RASGRP3: variants seen among roughly 807,000 people sequenced by gnomAD.
The protein encoded by RASGRP3 is RAS guanyl releasing protein 3, also known as ras guanyl-releasing protein 3.
Under a neutral mutation model 82.7 loss-of-function variants are expected in RASGRP3, and 54 were observed. That is an observed-to-expected ratio of 0.65 (90% confidence interval 0.52 to 0.82). The LOEUF is 0.82. RASGRP3 is among the 40% of genes least tolerant of loss of function. The pLI, the probability that RASGRP3 is intolerant of heterozygous loss-of-function variation, is 0.00. For missense variants in RASGRP3, 861 were observed against 828.9 expected (o/e 1.04, Z -0.48); for synonymous variants, 309 against 300.5 (o/e 1.03, Z -0.29).
intron 1 of RASGRP3, among the ~76,000 whole-genome samples, chr2:33,490,613 C>T (rs1460528895): frequency 6.6e-6 from 1 of 152,222 alleles, no homozygotes; most frequent in Non-Finnish European, 1.5e-5. Context: ...GCTGCTCCTC[C>T]TCCCCTCTCT....
At chr2:33,534,694 ATTTTTTTT>A (rs71910431) in intron 11 of RASGRP3, among the ~76,000 whole-genome samples, 1 of 122,240 alleles carries the variant, frequency 8.2e-6, no homozygotes, top group Non-Finnish European at 1.7e-5. Flanking sequence ...ACACCCAGCA[ATTTTTTTT>A]TTTTTTTTTT....
At chr2:33,515,755 G>T (rs933103962) in intron 3 of RASGRP3, among the ~76,000 whole-genome samples, 3 of 152,060 alleles carry the variant, frequency 2.0e-5, no homozygotes, top group African/African-American at 7.2e-5. Context: ...TTGTGTTGTT[G>T]TTTTCATATC....
intron 5 of RASGRP3, 88 bp from the exon 6 acceptor site, chr2:33,520,465 T>G: frequency 3.9e-6 from 6 of 1,526,624 alleles, no homozygotes; most frequent in Non-Finnish European, 5.4e-6. Flanking sequence ...GACTTGGTGT[T>G]AAATGTAGTC....
intron 1 of RASGRP3, among the ~76,000 whole-genome samples, chr2:33,446,939 G>C (rs1665531979): frequency 6.6e-6 from 1 of 151,896 alleles, no homozygotes; most frequent in South Asian, 2.1e-4. Flanking sequence ...GTCAGGAGAT[G>C]GAAACCATCC....
At chr2:33,451,152 C>T (rs1162773518) in intron 2 of RASGRP3, among the ~76,000 whole-genome samples, 2 of 152,012 alleles carry the variant, frequency 1.3e-5, no homozygotes, top group African/African-American at 4.8e-5. Context: ...GTGTGAGCCA[C>T]CGTGCCCAGC....
intron 15 of RASGRP3, among the ~76,000 whole-genome samples, chr2:33,557,634 C>T (rs1032001850): frequency 1.3e-4 from 19 of 151,352 alleles, no homozygotes; most frequent in Admixed American, 4.6e-4. Context: ...GGTGTGAACC[C>T]GGGAGGCGGA....
intron 1 of RASGRP3, among the ~76,000 whole-genome samples, chr2:33,499,851 G>C (rs1348051208): frequency 6.6e-6 from 1 of 152,044 alleles, no homozygotes; most frequent in Non-Finnish European, 1.5e-5. Flanking sequence ...AGAATATGAT[G>C]GCAGAGAAAA....
In RASGRP3 at chr2:33,554,825, C is replaced by T. The variant is rs1675762443; in HGVS notation, c.1543-706C>T. ...GGAGTCTGTCTGGAGAGCGAAGACA[C>T]CACCACCAGGATGTCCCTGAACCCC... On this transcript the variant is annotated intron_variant, in intron 14 of 17. Coordinates refer to ENST00000403687, the MANE Select transcript of RASGRP3 (RefSeq NM_001139488.2). 2.0e-5 allele frequency among the ~76,000 whole-genome samples: 3 copies of T among 152,096 alleles called. No homozygotes were observed. The South Asian group carries it at 6.2e-4, about 32-fold the overall frequency.
Position 33,529,054 on chromosome 2 carries a change from C to T in RASGRP3, c.1083+1642C>T, listed in dbSNP as rs191707859. Among the ~76,000 whole-genome samples, 429 of 152,276 alleles carry T rather than the reference C, an allele frequency of 2.8e-3. 1 individual carries two copies. The highest frequency in any genetic ancestry group is 0.01 in the African/African-American group (419 of 41,548). Reference sequence around the variant, plus strand: ...CTGTCCACGATGTCAAGCATAACTTCAGAGAGCAGGTGCCTACCCTTGGGC... The same window carrying T: ...CTGTCCACGATGTCAAGCATAACTTTAGAGAGCAGGTGCCTACCCTTGGGC... On this transcript the variant is annotated intron_variant, in intron 10 of 17. Transcript: ENST00000403687.
intron 2 of RASGRP3, among the ~76,000 whole-genome samples, chr2:33,453,771 A>C (rs1574234923): frequency 1.3e-5 from 2 of 152,328 alleles, no homozygotes; most frequent in African/African-American, 4.8e-5. Flanking sequence ...TGCCAAAATA[A>C]TGTTATAAAA....
At chr2:33,548,339 C>G (rs1399076833) in intron 13 of RASGRP3, among the ~76,000 whole-genome samples, 1 of 114,748 alleles carries the variant, frequency 8.7e-6, no homozygotes. Flanking sequence ...CCGGCCTAGG[C>G]TAAAGAGCGG....
intron 2 of RASGRP3, among the ~76,000 whole-genome samples, chr2:33,451,362 C>T (rs2150885337): frequency 6.6e-6 from 1 of 152,316 alleles, no homozygotes; most frequent in Admixed American, 6.5e-5. Flanking sequence ...ATCCCACAGG[C>T]TGTCTCTACA....
chr2:33,443,758 A>G (rs1377912138), intron 1 of RASGRP3, among the ~76,000 whole-genome samples: 3 of 150,144 alleles, frequency 2.0e-5, no homozygotes, highest in Non-Finnish European at 4.4e-5. Flanking sequence ...GTACGTGCTT[A>G]TAGTCCTAGA....
At chr2:33,531,364 T>C (rs1195996849) in intron 10 of RASGRP3, among the ~76,000 whole-genome samples, 1 of 152,112 alleles carries the variant, frequency 6.6e-6, no homozygotes, top group Admixed American at 6.5e-5. Flanking sequence ...GTAGAACAGA[T>C]CACCCTTTGG....
chr2:33,456,840 A>T (rs966854150), intron 2 of RASGRP3, among the ~76,000 whole-genome samples: 1 of 152,038 alleles, frequency 6.6e-6, no homozygotes, highest in Non-Finnish European at 1.5e-5. Context: ...TAGCTTCTAC[A>T]CAAAAGTAAC....
chr2:33,439,650 A>G (rs1236172651), intron 1 of RASGRP3, among the ~76,000 whole-genome samples: 2 of 152,164 alleles, frequency 1.3e-5, no homozygotes, highest in Non-Finnish European at 2.9e-5. Context: ...GGGGCCCTGT[A>G]TTCTGATTTC....
At chr2:33,537,330 C>CGCCA (rs149899270) in intron 11 of RASGRP3, among the ~76,000 whole-genome samples, 1 of 95,690 alleles carries the variant, frequency 1.0e-5, no homozygotes, top group South Asian at 3.2e-4. Flanking sequence ...ACCGCCCCCC[C>CGCCA]CACACACACA....
chr2:33,438,357 G>A (rs1214655698), intron 1 of RASGRP3, among the ~76,000 whole-genome samples: 1 of 152,168 alleles, frequency 6.6e-6, no homozygotes, highest in Non-Finnish European at 1.5e-5. Flanking sequence ...GAGGTTGGGA[G>A]TTTGAGATCA....
At chr2:33,521,068 G>T (rs560945102) in intron 6 of RASGRP3, among the ~76,000 whole-genome samples, 1 of 152,222 alleles carries the variant, frequency 6.6e-6, no homozygotes, top group African/African-American at 2.4e-5. Context: ...CGTTACCTGG[G>T]AGCTCATTAG....
Sources: allele counts gnomAD v4.1 joint callset (sites outside exome capture counted in the v4.1 genomes callset), GRCh38; gene constraint gnomAD v4.1.1; transcripts MANE v1.5; gene names NCBI Gene and HGNC (gene_info 2026-07-23, HGNC 2026-07-21).